The following PAQR5 variants were observed in gnomAD, a reference collection of about 807,000 sequenced individuals.
The protein encoded by PAQR5 is membrane progestin receptor gamma.
Under a neutral mutation model 34.5 loss-of-function variants are expected in PAQR5, and 20 were observed. That is an observed-to-expected ratio of 0.58 (90% confidence interval 0.41 to 0.84). PAQR5 has a LOEUF of 0.84. PAQR5 is among the 40% of genes least tolerant of loss of function. The probability of loss-of-function intolerance (pLI) is 0.00; values close to 1 mark genes in which losing one functional copy is unlikely to be tolerated. For synonymous variants in PAQR5, 131 were observed against 155.6 expected (o/e 0.84, Z 1.18); for missense variants, 378 against 412.7 (o/e 0.92, Z 0.73).
At chr15:69,362,883 C>T (rs1164380130) in intron 3 of PAQR5, among the ~76,000 whole-genome samples, 1 of 152,196 alleles carries the variant, frequency 6.6e-6, no homozygotes, top group East Asian at 1.9e-4. Flanking sequence ...ACCTCTTCCA[C>T]CACGTCCCAT....
intron 6 of PAQR5, among the ~76,000 whole-genome samples, chr15:69,395,417 C>T (rs2056394836): frequency 1.3e-5 from 2 of 152,204 alleles, no homozygotes; most frequent in South Asian, 4.1e-4. Flanking sequence ...CCTATTTGTT[C>T]CCTCCTGTTC....
chr15:69,335,436 G>C (rs1265407712), intron 1 of PAQR5, among the ~76,000 whole-genome samples: 1 of 151,026 alleles, frequency 6.6e-6, no homozygotes, highest in African/African-American at 2.4e-5. Flanking sequence ...GTAGAGAAGG[G>C]GTTTCTCCAT....
chr15:69,318,161 GC>G lies in PAQR5; in HGVS notation c.-277+19107del, dbSNP rs1377426824. Reference sequence around the variant, plus strand: ...CATTGGTGTGCTCTGGGAGCACCCAGCCAGCCTGAGCTGCAGCAGGGGCTCA... The same window carrying G: ...CATTGGTGTGCTCTGGGAGCACCCAGCAGCCTGAGCTGCAGCAGGGGCTCA... On this transcript the variant is annotated intron_variant, in intron 1 of 8. Transcript: ENST00000395407. Among the ~76,000 whole-genome samples, 10 of 152,360 alleles carry G rather than the reference GC, an allele frequency of 6.6e-5. No individual in the cohort carries two copies. The Middle Eastern group carries it at 0.014, about 207-fold the overall frequency.
At position 69,384,901 on chromosome 15, in the gene PAQR5, T is replaced by G. The variant is rs1234873013; in HGVS notation, c.385+19T>G. On this transcript the variant is annotated intron_variant, in intron 5 of 8. Transcript: ENST00000395407. The stretch of plus-strand genomic sequence containing the variant: ...AGCCTGGGTATGTGAGGCCTTGTTC[T>G]TGCTTTCCTTCCCCTGCAACCGGGC... 6.3e-7 allele frequency: 1 copy of G among 1,599,164 alleles called. No individual in the cohort carries two copies. Among genetic ancestry groups the G allele is most frequent in the Non-Finnish European group, 8.6e-7 (1 of 1,168,192 alleles).
At chr15:69,312,628 G>C (rs867457601) in intron 1 of PAQR5, among the ~76,000 whole-genome samples, 2 of 150,204 alleles carry the variant, frequency 1.3e-5, no homozygotes, top group African/African-American at 2.5e-5. Context: ...CCCTTCTCCT[G>C]TCCAGTCCCC....
rs543384241 is a variant in PAQR5, at chr15:69,359,359, G to A, written c.-115-607G>A. Among the ~76,000 whole-genome samples the A allele has an allele frequency of 2.0e-4, 30 of 152,274 alleles. 2 individuals are homozygous for A. The South Asian group carries it at 3.5e-3, about 18-fold the overall frequency. On this transcript the variant is annotated intron_variant, in intron 2 of 8. Transcript: ENST00000395407. Reference sequence around the variant, plus strand: ...ACTCCTCAGACACCGAGTTAAAGACGGAAGCGGTTTATTTGGCCGGGGGGC... The same window carrying A: ...ACTCCTCAGACACCGAGTTAAAGACAGAAGCGGTTTATTTGGCCGGGGGGC...
chr15:69,394,081 A>G (rs926896484), intron 6 of PAQR5, among the ~76,000 whole-genome samples: 2 of 151,184 alleles, frequency 1.3e-5, no homozygotes, highest in Non-Finnish European at 2.9e-5. Context: ...ATCTCCTTCC[A>G]GTGCATCCAA....
chr15:69,356,656 G>A (rs1245254505), intron 2 of PAQR5, among the ~76,000 whole-genome samples: 1 of 151,954 alleles, frequency 6.6e-6, no homozygotes, highest in East Asian at 1.9e-4. Context: ...TTTCCCCCAA[G>A]CCCCTGGTAA....
intron 1 of PAQR5, among the ~76,000 whole-genome samples, chr15:69,323,349 A>C (rs111864817): frequency 0.019 from 2,897 of 152,290 alleles, 90 homozygotes; most frequent in African/African-American, 0.063. Flanking sequence ...GTGGTGAGGG[A>C]GGGATCCCCC....
intron 1 of PAQR5, among the ~76,000 whole-genome samples, chr15:69,301,353 C>T (rs924448552): frequency 2.6e-5 from 4 of 152,238 alleles, no homozygotes; most frequent in African/African-American, 7.2e-5. Flanking sequence ...ACCCTTGTCC[C>T]GCCAAGGAGA....
chr15:69,371,597 T>C lies in PAQR5; in HGVS notation c.52-8286T>C, dbSNP rs192145718. 3.2e-3 allele frequency among the ~76,000 whole-genome samples: 486 copies of C among 152,290 alleles called. 4 individuals carry two copies. Among genetic ancestry groups the C allele is most frequent in the African/African-American group, 0.011 (474 of 41,576 alleles). On this transcript the variant is annotated intron_variant, in intron 3 of 8. Transcript: ENST00000395407. ...CTACAGTGTCCGGAGAAATAATCCC[T>C]ACAGAAGTTAATTTCAGGATGATTT...
In PAQR5 at chr15:69,403,627, C is replaced by A. The variant is rs2056702743; in HGVS notation, c.798C>A (p.His266Gln). The A allele has an allele frequency of 6.2e-7, 1 of 1,613,998 alleles. No homozygotes were observed. The highest frequency in any genetic ancestry group is 8.5e-7 in the Non-Finnish European group (1 of 1,179,994). The change falls in exon 9 of 9, where the codon CAC (histidine) becomes CAA (glutamine). Residue 266 changes from histidine to glutamine, a missense_variant. Physicochemically the swap from His to Gln is conservative, Grantham distance 24. Coordinates refer to ENST00000395407, the MANE Select transcript of PAQR5 (RefSeq NM_017705.4). ...ACGTGTGTGTGATCCTGGCCACGCA[C>A]ATGCAGATGGAAGCCATACTTCTGG... ...LFHVCVILAT[H>Q]MQMEAILLDK...
chr15:69,389,586 G>A (rs2056199603), intron 5 of PAQR5, 68 bp from the exon 6 acceptor site: 1 of 1,601,508 alleles, frequency 6.2e-7, no homozygotes, highest in Non-Finnish European at 8.5e-7. Context: ...GCTGGGGACA[G>A]TCTTTGCAAG....
chr15:69,303,791 G>C (rs1007748193), intron 1 of PAQR5, among the ~76,000 whole-genome samples: 2 of 152,182 alleles, frequency 1.3e-5, no homozygotes, highest in African/African-American at 2.4e-5. Flanking sequence ...TCTGGCAAGA[G>C]AGCCTAGAGG....
chr15:69,400,214 G>A (rs1033929808), intron 8 of PAQR5, 99 bp downstream of exon 8: 8 of 1,250,050 alleles, frequency 6.4e-6, no homozygotes, highest in African/African-American at 4.5e-5. Flanking sequence ...GGGCAGGGAA[G>A]GGCAGAGAGA....
chr15:69,354,938 G>C lies in PAQR5; in HGVS notation c.-115-5028G>C, dbSNP rs544193849. 5.3e-5 allele frequency among the ~76,000 whole-genome samples: 8 copies of C among 152,216 alleles called. No homozygotes were observed. In the South Asian group the frequency reaches 1.5e-3, roughly 28 times the overall value. On this transcript the variant is annotated intron_variant, in intron 2 of 8. Transcript: ENST00000395407. ...TGGGCATCAGAACTCCAGGCTTTCT[G>C]GCCCTTGGACTCTAGGACTTGCACC...
At chr15:69,397,354 A>C (rs773977108) in intron 6 of PAQR5, 114 bp from the exon 7 acceptor site, 1 of 781,298 alleles carries the variant, frequency 1.3e-6, no homozygotes, top group Non-Finnish European at 2.3e-6. Context: ...GAGCTTGTAG[A>C]AAAATGCTTG....
Position 69,354,971 on chromosome 15 carries a change from C to A in PAQR5, c.-115-4995C>A, listed in dbSNP as rs1027908438. On this transcript the variant is annotated intron_variant, in intron 2 of 8. Transcript: ENST00000395407. ...GACTCTAGGACTTGCACCTCCACCC[C>A]GCAGAGTTCTCAGGGCCTTCTGCCT... 3.9e-5 allele frequency among the ~76,000 whole-genome samples: 6 copies of A among 152,306 alleles called. No individual in the cohort carries two copies. The East Asian group carries it at 1.2e-3, about 29-fold the overall frequency.
intron 2 of PAQR5, among the ~76,000 whole-genome samples, chr15:69,344,799 T>G (rs553714736): frequency 6.6e-6 from 1 of 152,320 alleles, no homozygotes; most frequent in Non-Finnish European, 1.5e-5. Context: ...CTTATTTCTA[T>G]GAAATATGAG....
Sources: allele counts gnomAD v4.1 joint callset (sites outside exome capture counted in the v4.1 genomes callset), GRCh38; gene constraint gnomAD v4.1.1; transcripts MANE v1.5; gene names NCBI Gene and HGNC (gene_info 2026-07-23, HGNC 2026-07-21).